SLC6A17: variants seen among roughly 807,000 people sequenced by gnomAD.
SLC6A17 encodes the protein solute carrier family 6 member 17.
SLC6A17 carries 21 observed loss-of-function variants against 64.5 expected under a neutral mutation model. The ratio of observed to expected loss-of-function variants is 0.33; its 90% confidence interval spans 0.23 to 0.47. SLC6A17 has a LOEUF of 0.47. SLC6A17 is among the 20% of genes least tolerant of loss of function. The pLI, the probability that SLC6A17 is intolerant of heterozygous loss-of-function variation, is 1.00. For synonymous variants in SLC6A17, 372 were observed against 399.5 expected, an observed-to-expected ratio of 0.93 and a Z score of 0.82; for missense variants, 682 against 963.2, an observed-to-expected ratio of 0.71 and a Z score of 3.86.
At chr1:110,196,649 A>G (rs114294351) in intron 10 of SLC6A17, among the ~76,000 whole-genome samples, 3,280 of 152,334 alleles carry the variant, frequency 0.022, 50 homozygotes, top group Middle Eastern at 0.037. Flanking sequence ...GTTATATAAG[A>G]AACTTATTAT....
chr1:110,176,224 C>G (rs930064128), intron 5 of SLC6A17, among the ~76,000 whole-genome samples: 1 of 152,088 alleles, frequency 6.6e-6, no homozygotes, highest in Non-Finnish European at 1.5e-5. Context: ...GTGTCTATAA[C>G]CTCCTGAAGG....
chr1:110,154,274 A>G, intron 1 of SLC6A17, among the ~76,000 whole-genome samples: 1 of 152,370 alleles, frequency 6.6e-6, no homozygotes, highest in East Asian at 1.9e-4. Flanking sequence ...AATTTGTTCA[A>G]GGTCACACAG....
intron 1 of SLC6A17, among the ~76,000 whole-genome samples, chr1:110,156,528 T>C (rs1655765244): frequency 6.6e-6 from 1 of 152,204 alleles, no homozygotes; most frequent in East Asian, 1.9e-4. Flanking sequence ...AAAAAGAATA[T>C]AGCTACAGTT....
chr1:110,163,211 G>A (rs1326379095), intron 1 of SLC6A17, among the ~76,000 whole-genome samples: 3 of 151,964 alleles, frequency 2.0e-5, no homozygotes, highest in African/African-American at 7.3e-5. Context: ...ACTGGGGTGT[G>A]GTGCATGGTA....
chr1:110,197,232 C>T (rs1369502467), intron 10 of SLC6A17, among the ~76,000 whole-genome samples: 2 of 152,146 alleles, frequency 1.3e-5, no homozygotes, highest in Non-Finnish European at 2.9e-5. Context: ...TATGATGTGA[C>T]GGAATCAGAA....
intron 3 of SLC6A17, among the ~76,000 whole-genome samples, chr1:110,173,601 C>T (rs1197954508): frequency 6.6e-6 from 1 of 152,218 alleles, no homozygotes; most frequent in Non-Finnish European, 1.5e-5. Context: ...CTGTGCATGC[C>T]TTCACAGTCC....
intron 1 of SLC6A17, among the ~76,000 whole-genome samples, chr1:110,155,948 C>T (rs931921498): frequency 1.8e-4 from 28 of 152,178 alleles, no homozygotes; most frequent in Admixed American, 7.9e-4. Flanking sequence ...AATGAATAGT[C>T]ACTCGATAGG....
At position 110,186,230 on chromosome 1, in the gene SLC6A17, A is replaced by T. The variant is rs778058143; in HGVS notation, c.865-5742A>T. The stretch of plus-strand genomic sequence containing the variant: ...GGCCAGCTCTGATCTGCAGTTTGGG[A>T]TTGTGGTATCCTCCCAGGAGTGGCT... On this transcript the variant is annotated intron_variant, in intron 6 of 11. Transcript: ENST00000331565. Among the ~76,000 whole-genome samples, 9 of 152,134 alleles carry T rather than the reference A, an allele frequency of 5.9e-5. 1 individual carries two copies. The highest frequency in any genetic ancestry group is 1.3e-4 in the Non-Finnish European group (9 of 67,994).
intron 6 of SLC6A17, among the ~76,000 whole-genome samples, chr1:110,176,998 G>A (rs1002309539): frequency 6.6e-6 from 1 of 152,188 alleles, no homozygotes; most frequent in Non-Finnish European, 1.5e-5. Flanking sequence ...GCCTTAGGGA[G>A]CAGGTAGGAT....
chr1:110,184,594 T>G (rs1005326733), intron 6 of SLC6A17, among the ~76,000 whole-genome samples: 4 of 151,828 alleles, frequency 2.6e-5, no homozygotes, highest in African/African-American at 7.3e-5. Context: ...AGGCTATGAG[T>G]GGGCAACAGC....
At chr1:110,172,911 C>T (rs1656280347) in intron 3 of SLC6A17, among the ~76,000 whole-genome samples, 1 of 152,242 alleles carries the variant, frequency 6.6e-6, no homozygotes, top group South Asian at 2.1e-4. Flanking sequence ...GCTCACTGCT[C>T]ACACCTGGGA....
chr1:110,184,347 C>T (rs1028366695), intron 6 of SLC6A17, among the ~76,000 whole-genome samples: 1 of 152,138 alleles, frequency 6.6e-6, no homozygotes. Flanking sequence ...CCTTGTGATC[C>T]GCCCACCTCG....
chr1:110,173,896 C>A, intron 3 of SLC6A17, 77 bp from the exon 4 acceptor site: 15 of 1,517,576 alleles, frequency 9.9e-6, no homozygotes, highest in East Asian at 5.0e-5. Flanking sequence ...TGCCGACGTG[C>A]TGGGCCTCGG....
At chr1:110,181,605 A>C (rs1190815450) in intron 6 of SLC6A17, among the ~76,000 whole-genome samples, 11 of 152,252 alleles carry the variant, frequency 7.2e-5, no homozygotes, top group Non-Finnish European at 1.5e-5. Context: ...GTTGATGCCA[A>C]GGGGAAAAAT....
chr1:110,176,769 G>A (rs1321493183), intron 6 of SLC6A17, 30 bp downstream of exon 6: 3 of 1,586,274 alleles, frequency 1.9e-6, no homozygotes, highest in Admixed American at 1.7e-5. Context: ...ACATGCCAGG[G>A]AACAGCAACA....
At chr1:110,173,895 GCTGGGCCTC>G in intron 3 of SLC6A17, 69 bp from the exon 4 acceptor site, 1 of 1,525,558 alleles carries the variant, frequency 6.6e-7, no homozygotes, top group Admixed American at 2.0e-5. Context: ...CTGCCGACGT[GCTGGGCCTC>G]GGGTGGAGCG....
intron 1 of SLC6A17, among the ~76,000 whole-genome samples, chr1:110,158,979 A>G (rs540376609): frequency 1.3e-5 from 2 of 152,192 alleles, no homozygotes; most frequent in African/African-American, 2.4e-5. Flanking sequence ...GCCAGCATCA[A>G]AGGATCCTAG....
At chr1:110,182,588 G>T (rs1366485347) in intron 6 of SLC6A17, among the ~76,000 whole-genome samples, 1 of 150,826 alleles carries the variant, frequency 6.6e-6, no homozygotes, top group African/African-American at 2.4e-5. Context: ...ATAGCTGTGG[G>T]TGGGCGGTGG....
rs529672038 is a variant in SLC6A17, at chr1:110,162,544, G to A, written c.-87-4299G>A. ...ATGCCTGGATTATGGCTGGTTCCAT[G>A]AGATACATGGGTACGGGAAGAGAGG... On this transcript the variant is annotated intron_variant, in intron 1 of 11. Transcript: ENST00000331565. 3.3e-5 allele frequency among the ~76,000 whole-genome samples: 5 copies of A among 152,306 alleles called. No homozygotes were observed. In the South Asian group the frequency reaches 1.0e-3, roughly 32 times the overall value.
Sources: allele counts gnomAD v4.1 joint callset (sites outside exome capture counted in the v4.1 genomes callset), GRCh38; gene constraint gnomAD v4.1.1; transcripts MANE v1.5; gene names NCBI Gene and HGNC (gene_info 2026-07-23, HGNC 2026-07-21).